Variants in SYT14 observed in about 807,000 individuals in gnomAD.
SYT14 encodes the protein synaptotagmin-14.
Under a neutral mutation model 74.2 loss-of-function variants are expected in SYT14, and 32 were observed. The ratio of observed to expected loss-of-function variants is 0.43; its 90% CI spans 0.33 to 0.58. The LOEUF is 0.58. SYT14 is among the 20% of genes least tolerant of loss of function. SYT14 has a pLI of 0.05. For synonymous variants in SYT14, 298 were observed against 337.7 expected (o/e 0.88, Z 1.29); for missense variants, 791 against 981.8 (o/e 0.81, Z 2.60).
chr1:210,040,455 C>A (rs1174387375), intron 5 of SYT14, among the ~76,000 whole-genome samples: 1 of 151,360 alleles, frequency 6.6e-6, no homozygotes, highest in African/African-American at 2.4e-5. Context: ...CACCATGGCA[C>A]GTGTAAACCT....
At chr1:209,960,141 G>A (rs940051789) in intron 2 of SYT14, among the ~76,000 whole-genome samples, 6 of 152,068 alleles carry the variant, frequency 3.9e-5, no homozygotes, top group African/African-American at 1.4e-4. Context: ...TATTAACCTG[G>A]AGGGTGGTTT....
At chr1:210,123,790 G>T in intron 7 of SYT14, among the ~76,000 whole-genome samples, 1 of 152,138 alleles carries the variant, frequency 6.6e-6, no homozygotes, top group East Asian at 1.9e-4. Flanking sequence ...CACCAGGAAA[G>T]AGAAAATCCA....
chr1:210,060,963 T>C (rs1244097765), intron 5 of SYT14, among the ~76,000 whole-genome samples: 1 of 152,070 alleles, frequency 6.6e-6, no homozygotes, highest in Non-Finnish European at 1.5e-5. Context: ...TACTCTGTCA[T>C]CGTTATTTAA....
intron 7 of SYT14, among the ~76,000 whole-genome samples, chr1:210,130,947 T>A (rs890645536): frequency 1.3e-5 from 2 of 152,206 alleles, no homozygotes; most frequent in African/African-American, 4.8e-5. Context: ...CATTTGAAAT[T>A]TGAATCAGAA....
intron 2 of SYT14, among the ~76,000 whole-genome samples, chr1:209,969,816 GT>G (rs1213970025): frequency 2.6e-5 from 4 of 152,122 alleles, no homozygotes; most frequent in Non-Finnish European, 5.9e-5. Flanking sequence ...CTGATGATTA[GT>G]GATATTGACC....
rs527404989 is a variant in SYT14, at chr1:210,088,719, T to C, written c.1313-5603T>C. Among the ~76,000 whole-genome samples the C allele has an allele frequency of 1.4e-4, 21 of 151,966 alleles. No individual in the cohort carries two copies. In the South Asian group the frequency reaches 4.2e-3, roughly 30 times the overall value. ...ATGAAGCTGGAAACCATCATTCTTA[T>C]TTTTGTTAACTTCTTGAAGTGGATT... On this transcript the variant is annotated intron_variant, in intron 5 of 9. Coordinates refer to ENST00000637265, the Ensembl canonical transcript of SYT14.
At chr1:210,117,361 C>T (rs1392569972) in intron 7 of SYT14, among the ~76,000 whole-genome samples, 1 of 152,104 alleles carries the variant, frequency 6.6e-6, no homozygotes, top group Non-Finnish European at 1.5e-5. Context: ...AACTTAGCTT[C>T]ATCTGTTTTC....
chr1:210,086,405 C>G (rs2081731948), intron 5 of SYT14, among the ~76,000 whole-genome samples: 1 of 152,184 alleles, frequency 6.6e-6, no homozygotes, highest in South Asian at 2.1e-4. Context: ...CTCATTTCTT[C>G]AGTGAGCAAT....
intron 2 of SYT14, among the ~76,000 whole-genome samples, chr1:209,954,424 T>A (rs1220056452): frequency 1.3e-5 from 2 of 152,196 alleles, no homozygotes; most frequent in Admixed American, 6.5e-5. Context: ...TCCGTTTATC[T>A]ACAGAATTTT....
At chr1:209,942,686 A>G (rs575292059) in intron 1 of SYT14, among the ~76,000 whole-genome samples, 2 of 152,320 alleles carry the variant, frequency 1.3e-5, no homozygotes, top group African/African-American at 4.8e-5. Flanking sequence ...TGAGTTTCTT[A>G]AAACCTCAAG....
At chr1:210,035,710 G>T (rs12408271) in intron 5 of SYT14, among the ~76,000 whole-genome samples, 20 of 151,698 alleles carry the variant, frequency 1.3e-4, no homozygotes, top group Admixed American at 1.3e-3. Flanking sequence ...TGTTTTGGTT[G>T]ACTTTGTTAA....
intron 7 of SYT14, among the ~76,000 whole-genome samples, chr1:210,144,649 C>T (rs2082992878): frequency 6.6e-6 from 1 of 151,794 alleles, no homozygotes; most frequent in Admixed American, 6.6e-5. Flanking sequence ...TAATTATAAT[C>T]CAAAACATGG....
intron 2 of SYT14, among the ~76,000 whole-genome samples, chr1:209,982,881 T>C (rs2079511259): frequency 6.6e-6 from 1 of 152,228 alleles, no homozygotes; most frequent in South Asian, 2.1e-4. Context: ...GTTCTGGATT[T>C]TGGCCATTCT....
At chr1:210,100,261 C>G in exon 7 of SYT14, 1 of 1,614,002 alleles carries the variant, frequency 6.2e-7, no homozygotes, top group Non-Finnish European at 8.5e-7. Flanking sequence ...AGGACCATGC[C>G]CTGTCTTCAC....
At chr1:209,959,892 A>C (rs2079052484) in intron 2 of SYT14, among the ~76,000 whole-genome samples, 2 of 152,162 alleles carry the variant, frequency 1.3e-5, no homozygotes. Flanking sequence ...TGAATTATGC[A>C]CTTTGGTGAA....
At chr1:210,159,705 T>C (rs1325478449) in intron 9 of SYT14, among the ~76,000 whole-genome samples, 1 of 152,206 alleles carries the variant, frequency 6.6e-6, no homozygotes, top group South Asian at 2.1e-4. Context: ...AAATTTTTAT[T>C]TTTTCATTCA....
chr1:209,978,905 C>T (rs1057149731), intron 2 of SYT14, among the ~76,000 whole-genome samples: 4 of 152,196 alleles, frequency 2.6e-5, no homozygotes, highest in African/African-American at 4.8e-5. Context: ...TGGGCAGTGG[C>T]GGGCGCCCCT....
intron 5 of SYT14, among the ~76,000 whole-genome samples, chr1:210,024,952 G>A (rs907354048): frequency 6.6e-6 from 1 of 151,016 alleles, no homozygotes; most frequent in Non-Finnish European, 1.5e-5. Flanking sequence ...TTTTCAATTA[G>A]AGTTTTAGGA....
At chr1:209,938,415 T>G (rs965252664) in intron 1 of SYT14, 138 bp downstream of exon 1, 4 of 762,640 alleles carry the variant, frequency 5.2e-6, no homozygotes, top group Non-Finnish European at 7.6e-6. Flanking sequence ...GCGGGGGTCC[T>G]GGCCGCGTCT....
Sources: allele counts gnomAD v4.1 joint callset (sites outside exome capture counted in the v4.1 genomes callset), GRCh38; gene constraint gnomAD v4.1.1; transcripts MANE v1.5; gene names NCBI Gene and HGNC (gene_info 2026-07-23, HGNC 2026-07-21).